EPHA5: variants seen among roughly 807,000 people sequenced by gnomAD.
EPHA5 encodes the protein ephrin type-A receptor 5.
In EPHA5, 60 loss-of-function variants were observed where a neutral mutation model predicts 105.0. The observed-to-expected ratio is 0.57, with a 90% CI of 0.46 to 0.71. The LOEUF (loss-of-function observed/expected upper bound fraction) is 0.71, where lower values mean the gene tolerates loss of function less well. EPHA5 is among the 30% of genes least tolerant of loss of function. The pLI is 0.00. For missense variants in EPHA5, 1,218 were observed against 1,274.7 expected, an observed-to-expected ratio of 0.96 and a Z score of 0.68; for synonymous variants, 513 against 449.1, an observed-to-expected ratio of 1.14 and a Z score of -1.80.
intron 5 of EPHA5, among the ~76,000 whole-genome samples, chr4:65,436,424 A>G (rs1210221519): frequency 6.6e-6 from 1 of 151,984 alleles, no homozygotes. Flanking sequence ...TGTTAAATAA[A>G]AATTCTGTCC....
At chr4:65,369,942 C>T (rs769926823) in intron 8 of EPHA5, among the ~76,000 whole-genome samples, 3 of 151,998 alleles carry the variant, frequency 2.0e-5, no homozygotes, top group Non-Finnish European at 2.9e-5. Flanking sequence ...ACTCCAGCCT[C>T]GGCCACAGAG....
chr4:65,497,047 T>C (rs998032539), intron 3 of EPHA5, among the ~76,000 whole-genome samples: 2 of 152,186 alleles, frequency 1.3e-5, no homozygotes, highest in African/African-American at 4.8e-5. Flanking sequence ...TGCTAATTGC[T>C]CAGTATGGGT....
chr4:65,335,340 GT>G (rs758738803), intron 15 of EPHA5, among the ~76,000 whole-genome samples: 2 of 151,946 alleles, frequency 1.3e-5, no homozygotes, highest in Non-Finnish European at 2.9e-5. Context: ...ATTCAGAAAA[GT>G]AAAAAATATG....
chr4:65,484,408 A>C (rs928782989), intron 5 of EPHA5, among the ~76,000 whole-genome samples: 2 of 152,188 alleles, frequency 1.3e-5, no homozygotes, highest in African/African-American at 2.4e-5. Context: ...GCAAGAACTA[A>C]GAAATAAAAC....
At chr4:65,417,936 A>C (rs1355797248) in intron 6 of EPHA5, among the ~76,000 whole-genome samples, 1 of 152,172 alleles carries the variant, frequency 6.6e-6, no homozygotes, top group African/African-American at 2.4e-5. Context: ...AAGGTTATTC[A>C]TAAGGGGAAA....
At chr4:65,614,693 A>G (rs1745069201) in intron 2 of EPHA5, among the ~76,000 whole-genome samples, 1 of 151,866 alleles carries the variant, frequency 6.6e-6, no homozygotes, top group African/African-American at 2.4e-5. Context: ...CCTGGCAGAA[A>G]TTGAATCAAG....
chr4:65,444,370 C>T (rs140903315), intron 5 of EPHA5, among the ~76,000 whole-genome samples: 1 of 152,074 alleles, frequency 6.6e-6, no homozygotes, highest in African/African-American at 2.4e-5. Context: ...ATTGTAGATA[C>T]AAGTCACTTT....
At chr4:65,548,739 C>G (rs75374899) in intron 3 of EPHA5, among the ~76,000 whole-genome samples, 273 of 152,198 alleles carry the variant, frequency 1.8e-3, no homozygotes, top group African/African-American at 6.2e-3. Flanking sequence ...TACCTTCACT[C>G]TAGAGCATAG....
At chr4:65,497,647 A>C (rs1380645264) in intron 3 of EPHA5, among the ~76,000 whole-genome samples, 1 of 152,032 alleles carries the variant, frequency 6.6e-6, no homozygotes, top group Admixed American at 6.6e-5. Context: ...ATATGTTCTA[A>C]GTATTTGGAA....
In EPHA5 at chr4:65,367,415, G is replaced by A; in HGVS notation, c.1803C>T (p.Gly601=). The change falls in exon 9 of 17, where the codon GGC becomes GGT. Residue 601 remains glycine (G), a synonymous_variant. Transcript: ENST00000613740. ...CTGGATCTTGTTTTGCTTTGCTGTA[G>A]CCACACCGCCTGGAACAAAGTAAGC... ...IGVLLSGRRC[G]YSKAKQDPEE... The A allele has an allele frequency of 1.2e-6, 2 of 1,611,908 alleles. No homozygotes were observed. Among genetic ancestry groups the A allele is most frequent in the Non-Finnish European group, 1.7e-6 (2 of 1,179,074 alleles).
At chr4:65,324,837 A>G (rs1237484770) in intron 16 of EPHA5, among the ~76,000 whole-genome samples, 1 of 150,048 alleles carries the variant, frequency 6.7e-6, no homozygotes, top group Non-Finnish European at 1.5e-5. Flanking sequence ...AGCATGCTGA[A>G]TATTACATGC....
chr4:65,657,268 T>A (rs1024635834), intron 1 of EPHA5, among the ~76,000 whole-genome samples: 1 of 152,090 alleles, frequency 6.6e-6, no homozygotes, highest in Non-Finnish European at 1.5e-5. Flanking sequence ...GAAACACATG[T>A]TTTATATTAA....
intron 3 of EPHA5, among the ~76,000 whole-genome samples, chr4:65,498,850 A>C (rs2149235701): frequency 6.6e-6 from 1 of 151,868 alleles, no homozygotes; most frequent in Middle Eastern, 3.4e-3. Flanking sequence ...ATATTATCCA[A>C]GAAAAATGTC....
chr4:65,597,219 C>T (rs1578532439), intron 3 of EPHA5, among the ~76,000 whole-genome samples: 1 of 152,152 alleles, frequency 6.6e-6, no homozygotes, highest in African/African-American at 2.4e-5. Context: ...CTCTTTCCTC[C>T]ATTTGATATA....
chr4:65,658,526 C>CA (rs1309946739), intron 1 of EPHA5, among the ~76,000 whole-genome samples: 1 of 152,100 alleles, frequency 6.6e-6, no homozygotes, highest in African/African-American at 2.4e-5. Context: ...TGCTCAATGT[C>CA]AGAGTGCCAA....
chr4:65,461,150 C>A (rs1158263560), intron 5 of EPHA5, among the ~76,000 whole-genome samples: 1 of 151,802 alleles, frequency 6.6e-6, no homozygotes, highest in African/African-American at 2.4e-5. Flanking sequence ...CAGCAATTAG[C>A]AATAAGAGAG....
chr4:65,539,289 TAA>T (rs1196891850), intron 3 of EPHA5, among the ~76,000 whole-genome samples: 1 of 151,510 alleles, frequency 6.6e-6, no homozygotes, highest in Non-Finnish European at 1.5e-5. Context: ...TTAAGATGAT[TAA>T]AATTCTTAAA....
At chr4:65,517,838 AACAG>A (rs773895238) in intron 3 of EPHA5, among the ~76,000 whole-genome samples, 5 of 151,982 alleles carry the variant, frequency 3.3e-5, no homozygotes, top group East Asian at 3.8e-4. Context: ...TTCAAAGTTT[AACAG>A]ACAATGTATT....
chr4:65,460,808 A>C (rs1485067681), intron 5 of EPHA5, among the ~76,000 whole-genome samples: 1 of 151,774 alleles, frequency 6.6e-6, no homozygotes, highest in Non-Finnish European at 1.5e-5. Flanking sequence ...ATATGCTTCA[A>C]TGTACGTGTG....
Sources: allele counts gnomAD v4.1 joint callset (sites outside exome capture counted in the v4.1 genomes callset), GRCh38; gene constraint gnomAD v4.1.1; transcripts MANE v1.5; gene names NCBI Gene and HGNC (gene_info 2026-07-23, HGNC 2026-07-21).